Variants in BRCA1 observed in about 807,000 individuals in gnomAD.
BRCA1 encodes breast cancer type 1 susceptibility protein.
A neutral mutation model predicts 173.7 loss-of-function variants in BRCA1; 140 were observed. The observed-to-expected ratio is 0.81, with a 90% confidence interval of 0.70 to 0.93. The LOEUF is 0.93. Among genes scored for constraint, BRCA1 ranks in the 40% least tolerant of loss-of-function variants. BRCA1 has a pLI of 0.00. For missense variants in BRCA1, 1,983 were observed against 2,172.5 expected (o/e 0.91, Z 1.73); for synonymous variants, 662 against 756.0 (o/e 0.88, Z 2.04).
rs786201582 is a variant in BRCA1 at position 43,047,680 on chromosome 17, C to T, written c.5430G>A (p.Val1810=). The change falls in exon 22 of 23, where the codon GTG becomes GTA. Residue 1810 remains valine (V), a synonymous_variant. Coordinates refer to ENST00000357654, the MANE Select transcript of BRCA1 (RefSeq NM_007294.4). ...LGTGVHPIVV[V]QPDAWTEDNG... ...TGTCCTCTGTCCAGGCATCTGGCTG[C>T]ACAACCACAATTGGGTGGACACCCT... The T allele has an allele frequency of 1.2e-5, 19 of 1,614,230 alleles. No individual in the cohort carries two copies. In the South Asian group the frequency reaches 1.4e-4, roughly 12 times the overall value.
At chr17:43,146,844 G>C (rs1403226555) in intron 1 of BRCA1, among the ~76,000 whole-genome samples, 1 of 152,088 alleles carries the variant, frequency 6.6e-6, no homozygotes, top group African/African-American at 2.4e-5. Context: ...AACATCCCTG[G>C]GATAAGAATA....
intron 1 of BRCA1, among the ~76,000 whole-genome samples, chr17:43,165,380 AT>A (rs1190317127): frequency 6.6e-6 from 1 of 152,140 alleles, no homozygotes; most frequent in African/African-American, 2.4e-5. Flanking sequence ...AACAATAATT[AT>A]TTTTAACCTT....
At chr17:43,167,383 A>G (rs1399361774) in intron 1 of BRCA1, 1 of 152,038 alleles carries the variant, frequency 6.6e-6, no homozygotes, top group African/African-American at 2.4e-5. Context: ...AGGGCTCACA[A>G]CTCTAAGGGG....
rs397509197 is a variant in BRCA1, at chr17:43,071,137, T to C, written c.4777A>G (p.Ile1593Val). The C allele has an allele frequency of 6.2e-7, 1 of 1,614,232 alleles. No individual in the cohort carries two copies. The highest frequency in any genetic ancestry group is 2.2e-5 in the East Asian group (1 of 44,888). The change falls in exon 15 of 23, where the codon ATA (isoleucine) becomes GTA (valine). Residue 1593 changes from isoleucine to valine, a missense_variant. Physicochemically the swap from Ile to Val is conservative, Grantham distance 29. Coordinates refer to ENST00000357654, the MANE Select transcript of BRCA1 (RefSeq NM_007294.4). ...TTCAATGCAGAGGTTGAAGATGGTATGTTGCCAACACGAGCTGACTCTGGG... is the reference window on the plus strand; with the variant it reads ...TTCAATGCAGAGGTTGAAGATGGTACGTTGCCAACACGAGCTGACTCTGGG... ...RAPESARVGN[I>V]PSSTSALKVP...
rs398122707 is a variant in BRCA1, at chr17:43,094,870, T to C, written c.671-10A>G. 1.9e-6 allele frequency: 3 copies of C among 1,601,682 alleles called. No individual in the cohort carries two copies. The highest frequency in any genetic ancestry group is 1.1e-5 in the South Asian group (1 of 89,900). The stretch of plus-strand genomic sequence containing the variant: ...GAAAATTCACAAGCAGCTGAAAATA[T>C]ACAAAAATAACAAGGTACTCAAAAA... On this transcript the variant is annotated splice_polypyrimidine_tract_variant and intron_variant, in intron 9 of 22. Coordinates refer to ENST00000357654, the MANE Select transcript of BRCA1 (RefSeq NM_007294.4).
intron 19 of BRCA1, among the ~76,000 whole-genome samples, chr17:43,054,172 G>C (rs2051364623): frequency 6.6e-6 from 1 of 152,148 alleles, no homozygotes; most frequent in African/African-American, 2.4e-5. Flanking sequence ...TGCTAATACT[G>C]CCTAGCATAC....
rs1060504572 is a variant in BRCA1 at position 43,094,103 on chromosome 17, A to G, written c.1428T>C (p.His476=). The change falls in exon 10 of 23, where the codon CAT becomes CAC. Residue 476 remains histidine (H), a synonymous_variant. Coordinates refer to ENST00000357654, the MANE Select transcript of BRCA1 (RefSeq NM_007294.4). ...RKKASLPNLS[H]VTENLIIGAF... ...CTCCTATAATTAGATTTTCAGTTAC[A>G]TGGCTTAAGTTGGGGAGGCTTGCCT... 1 of 1,614,082 alleles carries G rather than the reference A, an allele frequency of 6.2e-7. No individual in the cohort carries two copies. The highest frequency in any genetic ancestry group is 8.5e-7 in the Non-Finnish European group (1 of 1,180,006).
intron 14 of BRCA1, 148 bp from the exon 15 acceptor site, chr17:43,071,386 G>C: frequency 1.1e-6 from 1 of 871,174 alleles, no homozygotes; most frequent in Non-Finnish European, 1.8e-6. Context: ...ATCCAAAGTA[G>C]CTTAGTTTCC....
intron 16 of BRCA1, among the ~76,000 whole-genome samples, chr17:43,066,315 C>T (rs2052067929): frequency 1.3e-5 from 2 of 152,116 alleles, no homozygotes; most frequent in African/African-American, 2.4e-5. Flanking sequence ...AAGACTATCT[C>T]GGAGCTGTTA....
intron 19 of BRCA1, 109 bp downstream of exon 19, chr17:43,056,943 G>A (rs2051487732): frequency 1.0e-6 from 1 of 956,322 alleles, no homozygotes; most frequent in African/African-American, 1.6e-5. Flanking sequence ...CTAGCACTGT[G>A]TATGTATGTA....
chr17:43,067,368 C>A, intron 16 of BRCA1: 1 of 398,118 alleles, frequency 2.5e-6, no homozygotes, highest in Non-Finnish European at 4.7e-6. Flanking sequence ...GATTCTCCTG[C>A]CTCAGCCTCA....
At chr17:43,073,268 G>A (rs1446006389) in intron 14 of BRCA1, among the ~76,000 whole-genome samples, 1 of 152,018 alleles carries the variant, frequency 6.6e-6, no homozygotes. Flanking sequence ...TGAAAAATGT[G>A]GCAAATGCTT....
chr17:43,049,219 A>C (rs777091166), intron 20 of BRCA1, 25 bp from the exon 21 acceptor site: 1 of 1,605,194 alleles, frequency 6.2e-7, no homozygotes, highest in South Asian at 1.1e-5. Flanking sequence ...TAGATGTAAA[A>C]TCACTGCAGT....
At chr17:43,125,122 C>CCCCCGG in intron 1 of BRCA1, 149 bp downstream of exon 1, 1 of 452,578 alleles carries the variant, frequency 2.2e-6, no homozygotes, top group Non-Finnish European at 4.4e-6. Flanking sequence ...GCCCCCCTCC[C>CCCCCGG]CAGGGTTCAC....
At chr17:43,075,374 A>G (rs148285379) in intron 13 of BRCA1, among the ~76,000 whole-genome samples, 2 of 152,270 alleles carry the variant, frequency 1.3e-5, no homozygotes, top group Non-Finnish European at 2.9e-5. Flanking sequence ...AAGCATACAC[A>G]CCCAGTAAAT....
At chr17:43,098,983 ATTT>A (rs577010874) in intron 7 of BRCA1, among the ~76,000 whole-genome samples, 4 of 130,478 alleles carry the variant, frequency 3.1e-5, no homozygotes, top group Admixed American at 7.7e-5. Context: ...ACCCCGGCTA[ATTT>A]TTTTTTTTTT....
At chr17:43,121,668 A>T (rs912562028) in intron 2 of BRCA1, among the ~76,000 whole-genome samples, 1 of 138,644 alleles carries the variant, frequency 7.2e-6, no homozygotes, top group African/African-American at 2.6e-5. Flanking sequence ...GGGCAACAAG[A>T]GCCAAAGTCT....
chr17:43,146,794 C>T (rs1481256637), intron 1 of BRCA1, among the ~76,000 whole-genome samples: 2 of 152,210 alleles, frequency 1.3e-5, no homozygotes, highest in Non-Finnish European at 2.9e-5. Flanking sequence ...CCCCTCTCAG[C>T]AGCCGACTCT....
intron 3 of BRCA1, among the ~76,000 whole-genome samples, chr17:43,113,566 G>A (rs1382452751): frequency 4.0e-5 from 6 of 151,668 alleles, no homozygotes; most frequent in South Asian, 2.1e-4. Flanking sequence ...ACAGTGTTTC[G>A]CCATTTTGGC....
Sources: allele counts gnomAD v4.1 joint callset (sites outside exome capture counted in the v4.1 genomes callset), GRCh38; gene constraint gnomAD v4.1.1; transcripts MANE v1.5; gene names NCBI Gene and HGNC (gene_info 2026-07-23, HGNC 2026-07-21).